LPAR1: variants seen among roughly 807,000 people sequenced by gnomAD.
LPAR1 encodes lysophosphatidic acid receptor 1.
Under a neutral mutation model 23.8 loss-of-function variants are expected in LPAR1, and 5 were observed. That is an observed-to-expected ratio of 0.21 (90% CI 0.11 to 0.44). The LOEUF (loss-of-function observed/expected upper bound fraction) is 0.44. LPAR1 is among the 20% of genes least tolerant of loss of function. The pLI is 0.99. For synonymous variants in LPAR1, 160 were observed against 164.7 expected (o/e 0.97, Z 0.22); for missense variants, 311 against 482.8 (o/e 0.64, Z 3.33).
intron 2 of LPAR1, among the ~76,000 whole-genome samples, chr9:110,991,069 C>T (rs570830625): frequency 6.6e-6 from 1 of 152,174 alleles, no homozygotes; most frequent in South Asian, 2.1e-4. Flanking sequence ...ATACCATATA[C>T]AAAAATTAAC....
chr9:110,906,638 A>T (rs1443304104), intron 5 of LPAR1, among the ~76,000 whole-genome samples: 1 of 152,178 alleles, frequency 6.6e-6, no homozygotes, highest in African/African-American at 2.4e-5. Context: ...ACTTAGGGAA[A>T]CAAAATGCTT....
chr9:110,993,656 A>T (rs968333536), intron 2 of LPAR1, among the ~76,000 whole-genome samples: 2 of 152,224 alleles, frequency 1.3e-5, no homozygotes, highest in Non-Finnish European at 2.9e-5. Context: ...TGTGTGTTGC[A>T]CAGTGAGAAG....
intron 2 of LPAR1, among the ~76,000 whole-genome samples, chr9:111,006,446 T>G (rs569883979): frequency 6.6e-6 from 1 of 152,320 alleles, no homozygotes; most frequent in East Asian, 1.9e-4. Context: ...TTATTCCTTC[T>G]TCCTTAACAC....
At chr9:110,929,774 AG>A (rs960735231) in intron 5 of LPAR1, among the ~76,000 whole-genome samples, 8 of 66,888 alleles carry the variant, frequency 1.2e-4, no homozygotes, top group Non-Finnish European at 3.4e-4. Flanking sequence ...CAAGATACCC[AG>A]TTAAATTTTA....
At chr9:110,950,176 A>C (rs2095523996) in intron 4 of LPAR1, among the ~76,000 whole-genome samples, 1 of 152,012 alleles carries the variant, frequency 6.6e-6, no homozygotes, top group Admixed American at 6.6e-5. Flanking sequence ...AAACAGAAAC[A>C]AGGACAGGCG....
rs118076217 is a variant in LPAR1 at position 110,994,607 on chromosome 9, T to C, written c.-181-21049A>G. Among the ~76,000 whole-genome samples the C allele has an allele frequency of 3.9e-3, 596 of 152,298 alleles. 2 individuals carry two copies. Among genetic ancestry groups the C allele is most frequent in the Non-Finnish European group, 7.0e-3 (476 of 68,018 alleles). On this transcript the variant is annotated intron_variant, in intron 2 of 5. Transcript: ENST00000683809. ...TAAAAGCTTCTTCACACTTTTTTAC[T>C]GTACTTGCAACTTTTCTATAAGTTT...
intron 5 of LPAR1, among the ~76,000 whole-genome samples, chr9:110,923,076 G>A (rs912007826): frequency 3.3e-5 from 5 of 151,814 alleles, no homozygotes; most frequent in Admixed American, 3.3e-4. Context: ...CAATACAAAG[G>A]AGACTTGCCC....
chr9:110,901,315 T>C (rs1232875681), intron 5 of LPAR1, among the ~76,000 whole-genome samples: 2 of 152,186 alleles, frequency 1.3e-5, no homozygotes. Flanking sequence ...GGTGAGGCTT[T>C]AACTCTTCCT....
chr9:110,923,732 T>G (rs1260124347), intron 5 of LPAR1, among the ~76,000 whole-genome samples: 1 of 152,216 alleles, frequency 6.6e-6, no homozygotes, highest in Non-Finnish European at 1.5e-5. Context: ...AAACTGGAGC[T>G]TGCAGCCATT....
chr9:110,878,444 C>T (rs1224992648), intron 5 of LPAR1, among the ~76,000 whole-genome samples: 2 of 152,216 alleles, frequency 1.3e-5, no homozygotes, highest in Admixed American at 1.3e-4. Context: ...AGGATTTCCC[C>T]TTGAGCTTCT....
chr9:110,924,556 G>A (rs1267201102), intron 5 of LPAR1, among the ~76,000 whole-genome samples: 1 of 151,948 alleles, frequency 6.6e-6, no homozygotes, highest in East Asian at 1.9e-4. Flanking sequence ...AGTAAGCTGG[G>A]TGTGGTGGCA....
At chr9:111,000,121 T>C (rs1344790744) in intron 2 of LPAR1, among the ~76,000 whole-genome samples, 1 of 152,158 alleles carries the variant, frequency 6.6e-6, no homozygotes, top group African/African-American at 2.4e-5. Flanking sequence ...AACATATGAA[T>C]TTCAGGGAGA....
rs150595556 is a variant in LPAR1 at position 110,873,957 on chromosome 9, T to C, written c.*1464A>G. 6.5e-6 allele frequency: 1 copy of C among 152,740 alleles called. No homozygotes were observed. Among genetic ancestry groups the C allele is most frequent in the Non-Finnish European group, 1.5e-5 (1 of 68,024 alleles). 9.5% of individuals were successfully genotyped at this position (152,740 alleles called of 1,614,324 possible). On this transcript the variant is annotated 3_prime_UTR_variant, in exon 6 of 6. Transcript: ENST00000683809. ...TGAATTCTTCTAGTTGATCTTGTTG[T>C]ATTAAAAAGTCACTCTCAACTGAAG...
At chr9:110,976,336 C>CAA (rs11356512) in intron 2 of LPAR1, among the ~76,000 whole-genome samples, 522 of 126,720 alleles carry the variant, frequency 4.1e-3, no homozygotes, top group South Asian at 0.012. Context: ...ACTAAAAATA[C>CAA]AAAAAAAAAA....
chr9:110,887,960 T>A (rs1265144240), intron 5 of LPAR1, among the ~76,000 whole-genome samples: 2 of 152,160 alleles, frequency 1.3e-5, no homozygotes, highest in East Asian at 3.8e-4. Context: ...TAAATAAGCA[T>A]AAATAGAGAA....
chr9:110,971,276 T>C (rs2096411326), intron 4 of LPAR1, among the ~76,000 whole-genome samples: 1 of 152,220 alleles, frequency 6.6e-6, no homozygotes, highest in South Asian at 2.1e-4. Context: ...CTCATGTATA[T>C]GAACCATCAT....
At chr9:111,002,006 T>C (rs980472900) in intron 2 of LPAR1, among the ~76,000 whole-genome samples, 2 of 152,196 alleles carry the variant, frequency 1.3e-5, no homozygotes, top group African/African-American at 4.8e-5. Context: ...AACTTCCATA[T>C]AAAAATTCAT....
intron 4 of LPAR1, among the ~76,000 whole-genome samples, chr9:110,964,359 T>A (rs1334286867): frequency 1.3e-5 from 2 of 152,208 alleles, no homozygotes; most frequent in Non-Finnish European, 2.9e-5. Flanking sequence ...GAAACCTGAA[T>A]GTGAATTGAG....
intron 5 of LPAR1, among the ~76,000 whole-genome samples, chr9:110,937,220 C>T (rs1264970074): frequency 6.6e-6 from 1 of 152,230 alleles, no homozygotes; most frequent in East Asian, 1.9e-4. Context: ...GCCCAGTCAG[C>T]ACAGCTAGGC....
Sources: gnomAD v4.1 joint callset for allele counts (sites outside exome capture counted in the v4.1 genomes callset) on GRCh38, gnomAD v4.1.1 for gene constraint, MANE v1.5 for transcripts, NCBI Gene and HGNC (gene_info 2026-07-23, HGNC 2026-07-21) for gene names.